The following AMZ1 variants were observed in gnomAD, a reference collection of about 807,000 sequenced individuals.
AMZ1 encodes the protein archaelysin family metallopeptidase 1.
Under a neutral mutation model 29.9 loss-of-function variants are expected in AMZ1, and 39 were observed. The ratio of observed to expected loss-of-function variants is 1.30; its 90% CI spans 1.01 to 1.70. The LOEUF (loss-of-function observed/expected upper bound fraction) is 1.70, where lower values mean the gene tolerates loss of function less well. Ranked by LOEUF, AMZ1 falls within the 40% of genes most tolerant of loss-of-function variation. The pLI is 0.00. For synonymous variants in AMZ1, 458 were observed against 304.0 expected (o/e 1.51, Z -5.27); for missense variants, 1,041 against 680.6 (o/e 1.53, Z -5.89).
intron 4 of AMZ1, 151 bp downstream of exon 4, chr7:2,708,867 C>A: frequency 7.3e-7 from 1 of 1,363,710 alleles, no homozygotes; most frequent in Non-Finnish European, 1.0e-6. Context: ...CCCCTTCCAG[C>A]TCCTCCTGAG....
upstream of AMZ1, chr7:2,760,448 A>G (rs979652285): frequency 6.6e-6 from 1 of 152,454 alleles, no homozygotes; most frequent in Non-Finnish European, 1.5e-5. Context: ...ACGCTGTGGT[A>G]AGCACCTGAG....
At chr7:2,725,689 G>A (rs1056191190) in intron 4 of AMZ1, among the ~76,000 whole-genome samples, 15 of 152,204 alleles carry the variant, frequency 9.9e-5, no homozygotes, top group Non-Finnish European at 1.9e-4. Flanking sequence ...CCCGAAAACC[G>A]TAGACTCTGC....
chr7:2,738,670 G>A (rs748874441), intron 4 of AMZ1, among the ~76,000 whole-genome samples: 1 of 151,994 alleles, frequency 6.6e-6, no homozygotes, highest in Non-Finnish European at 1.5e-5. Context: ...CCCTCTCTGA[G>A]TATGTCTGAC....
At chr7:2,688,525 C>G (rs1476696089) in intron 1 of AMZ1, among the ~76,000 whole-genome samples, 2 of 152,162 alleles carry the variant, frequency 1.3e-5, no homozygotes, top group African/African-American at 4.8e-5. Flanking sequence ...CCCGGCAGGT[C>G]CTGCAGAGGG....
At position 2,691,966 on chromosome 7, in the gene AMZ1, C is replaced by T. The variant is rs770931966; in HGVS notation, c.-219+3670C>T. Among the ~76,000 whole-genome samples, 30 of 152,164 alleles carry T rather than the reference C, an allele frequency of 2.0e-4. No individual in the cohort carries two copies. The East Asian group carries it at 2.5e-3, about 13-fold the overall frequency. ...AGAACAAATAATTCTGAGCTGGCTG[C>T]GGCGCTAGGGGAATGATTTGGAGGT... On this transcript the variant is annotated intron_variant, in intron 1 of 6. Coordinates refer to ENST00000683327, the MANE Select transcript of AMZ1 (RefSeq NM_001384743.1).
intron 4 of AMZ1, among the ~76,000 whole-genome samples, chr7:2,725,057 G>A (rs949276531): frequency 1.4e-4 from 22 of 152,180 alleles, no homozygotes; most frequent in Non-Finnish European, 2.4e-4. Context: ...CACCAGGACG[G>A]GGTATCTGGA....
rs1789142453 is a variant in AMZ1, at chr7:2,716,702, G to A, written c.*3824G>A. On this transcript the variant is annotated 3_prime_UTR_variant, in exon 7 of 7. Coordinates refer to ENST00000683327, the MANE Select transcript of AMZ1 (RefSeq NM_001384743.1). Reference sequence around the variant, plus strand: ...CAGGCCTCGGAGAGAGGGACCGGCTGCCCTGCCCAAGGCCCACCTGGACAG... The same window carrying A: ...CAGGCCTCGGAGAGAGGGACCGGCTACCCTGCCCAAGGCCCACCTGGACAG... Among the ~76,000 whole-genome samples the A allele has an allele frequency of 6.6e-6, 1 of 152,228 alleles. No individual in the cohort carries two copies. The highest frequency in any genetic ancestry group is 1.5e-5 in the Non-Finnish European group (1 of 68,044).
At chr7:2,730,944 C>T (rs2115277389) in intron 4 of AMZ1, 2 of 514,742 alleles carry the variant, frequency 3.9e-6, no homozygotes, top group East Asian at 6.1e-5. Flanking sequence ...ACAACATCAT[C>T]ACTCGGATTT....
chr7:2,722,129 G>A (rs1789450233), downstream of AMZ1, among the ~76,000 whole-genome samples: 1 of 152,206 alleles, frequency 6.6e-6, no homozygotes, highest in Non-Finnish European at 1.5e-5. Context: ...CCTGCTGCGT[G>A]GGCTGGGGCC....
At chr7:2,724,102 T>TG (rs955694437), downstream of AMZ1, among the ~76,000 whole-genome samples, 282 of 147,540 alleles carry the variant, frequency 1.9e-3, 3 homozygotes, top group African/African-American at 6.5e-3. Flanking sequence ...AGATGGGGAG[T>TG]GGGGGGGCGG....
chr7:2,751,598 T>G (rs951368612), intron 4 of AMZ1, among the ~76,000 whole-genome samples: 3 of 152,134 alleles, frequency 2.0e-5, no homozygotes, highest in African/African-American at 7.2e-5. Context: ...GTTGGTTCTT[T>G]AAAAATGTCA....
intron 4 of AMZ1, among the ~76,000 whole-genome samples, chr7:2,759,534 A>G (rs1156495672): frequency 3.3e-5 from 5 of 152,238 alleles, no homozygotes; most frequent in Admixed American, 2.0e-4. Context: ...AAGGAAAGGA[A>G]TAATTAGCCA....
At chr7:2,707,370 G>A (rs182442512) in intron 3 of AMZ1, among the ~76,000 whole-genome samples, 139 of 151,796 alleles carry the variant, frequency 9.2e-4, no homozygotes, top group African/African-American at 2.2e-3. Flanking sequence ...ACACTTCTCC[G>A]GTGTGCCTCT....
chr7:2,694,719 C>T (rs933730593), intron 1 of AMZ1, among the ~76,000 whole-genome samples: 4 of 151,534 alleles, frequency 2.6e-5, no homozygotes, highest in Admixed American at 2.0e-4. Context: ...GTCACTCAGG[C>T]TGGAGTGCAG....
Position 2,709,145 on chromosome 7 carries a change from G to C in AMZ1, c.672G>C (p.Leu224=), listed in dbSNP as rs1788575219. Residue 224 remains leucine (L), a synonymous_variant, in exon 5 of 7, where the codon CTG becomes CTC. Transcript: ENST00000683327. ...AGTCGGGGCCCAGCGCCCCTGATCT[G>C]GCCCTGGTAGAGGCAGCAGCAGACG... is the stretch of plus-strand genomic sequence containing the variant. ...FPKSGPSAPD[L]ALVEAAADGP... 3 of 1,590,044 alleles carry C rather than the reference G, an allele frequency of 1.9e-6. No homozygotes were observed. In the South Asian group the frequency reaches 3.4e-5, roughly 18 times the overall value.
At chr7:2,760,634 A>C (rs928768476), upstream of AMZ1, among the ~76,000 whole-genome samples, 29 of 152,220 alleles carry the variant, frequency 1.9e-4, 1 homozygote, top group Non-Finnish European at 1.5e-5. Flanking sequence ...TCCCTCAAGC[A>C]GGACAGACCT....
chr7:2,685,479 A>G (rs2115029959), upstream of AMZ1, among the ~76,000 whole-genome samples: 1 of 150,100 alleles, frequency 6.7e-6, no homozygotes, highest in South Asian at 2.1e-4. Context: ...AATCGCTTGA[A>G]CCCAGGAAGT....
At chr7:2,694,971 C>A (rs1787619664) in intron 1 of AMZ1, among the ~76,000 whole-genome samples, 1 of 152,162 alleles carries the variant, frequency 6.6e-6, no homozygotes, top group Admixed American at 6.5e-5. Context: ...TCGCGTCCGG[C>A]CTATTATTTT....
rs764157328 is a variant in AMZ1 at position 2,708,856 on chromosome 7, GC to G, written c.601+144del. Reference sequence around the variant, plus strand: ...CAACACCTGTGCATGGGAATAGATGGCCCCTTCCAGCTCCTCCTGAGGAATG... The same window carrying G: ...CAACACCTGTGCATGGGAATAGATGGCCCTTCCAGCTCCTCCTGAGGAATG... On this transcript the variant is annotated intron_variant, in intron 4 of 6. Transcript: ENST00000683327. The G allele has an allele frequency of 8.0e-6, 11 of 1,370,842 alleles. No individual in the cohort carries two copies. In the South Asian group the frequency reaches 1.2e-4, roughly 15 times the overall value. 84.9% of individuals were successfully genotyped at this position (1,370,842 alleles called of 1,614,324 possible).
Sources: gnomAD v4.1 joint callset for allele counts (sites outside exome capture counted in the v4.1 genomes callset) on GRCh38, gnomAD v4.1.1 for gene constraint, MANE v1.5 for transcripts, NCBI Gene and HGNC (gene_info 2026-07-23, HGNC 2026-07-21) for gene names.